ITFG1: variants seen among roughly 807,000 people sequenced by gnomAD.
The protein encoded by ITFG1 is integrin alpha FG-GAP repeat containing 1.
In ITFG1, 34 loss-of-function variants were observed where a neutral mutation model predicts 81.8. The ratio of observed to expected loss-of-function variants is 0.42; its 90% CI spans 0.32 to 0.55. The LOEUF (loss-of-function observed/expected upper bound fraction) is 0.55, where lower values mean the gene tolerates loss of function less well. Among genes scored for constraint, ITFG1 ranks in the 20% least tolerant of loss-of-function variants. ITFG1 has a pLI of 0.17. For missense variants in ITFG1, 672 were observed against 755.4 expected, an observed-to-expected ratio of 0.89 and a Z score of 1.29; for synonymous variants, 285 against 270.6, an observed-to-expected ratio of 1.05 and a Z score of -0.52.
chr16:47,333,977 C>G (rs1024967980), intron 8 of ITFG1, among the ~76,000 whole-genome samples: 2 of 152,172 alleles, frequency 1.3e-5, no homozygotes, highest in Non-Finnish European at 2.9e-5. Flanking sequence ...ACAATATCAT[C>G]TGGCACACCA....
At chr16:47,374,343 A>G (rs1048354771) in intron 7 of ITFG1, among the ~76,000 whole-genome samples, 1 of 152,200 alleles carries the variant, frequency 6.6e-6, no homozygotes, top group East Asian at 1.9e-4. Context: ...TTTAAAGAAA[A>G]CAATAACAAA....
intron 6 of ITFG1, among the ~76,000 whole-genome samples, chr16:47,402,688 G>A (rs1220470154): frequency 6.6e-6 from 1 of 152,184 alleles, no homozygotes; most frequent in Non-Finnish European, 1.5e-5. Context: ...TTATAGACTC[G>A]ATTTGCTGGT....
intron 7 of ITFG1, among the ~76,000 whole-genome samples, chr16:47,374,459 A>C (rs1968298461): frequency 6.6e-6 from 1 of 152,156 alleles, no homozygotes; most frequent in South Asian, 2.1e-4. Flanking sequence ...CAGATACTTA[A>C]GGGTGTTTCA....
intron 8 of ITFG1, among the ~76,000 whole-genome samples, chr16:47,335,472 A>G (rs779608379): frequency 2.0e-5 from 3 of 152,234 alleles, no homozygotes; most frequent in Non-Finnish European, 4.4e-5. Context: ...AGAATTGCAA[A>G]TCATGTATCT....
chr16:47,219,805 T>C (rs778834527), intron 13 of ITFG1, among the ~76,000 whole-genome samples: 6 of 152,204 alleles, frequency 3.9e-5, no homozygotes, highest in Non-Finnish European at 7.4e-5. Flanking sequence ...ACTGATATTT[T>C]AAGATTTTTA....
chr16:47,447,721 G>A (rs1419380973), intron 5 of ITFG1, among the ~76,000 whole-genome samples: 3 of 152,094 alleles, frequency 2.0e-5, no homozygotes, highest in Admixed American at 1.3e-4. Context: ...AAATGAACAT[G>A]CCACTTGAAA....
At chr16:47,279,330 A>C (rs547784627) in intron 10 of ITFG1, among the ~76,000 whole-genome samples, 28 of 152,258 alleles carry the variant, frequency 1.8e-4, no homozygotes, top group Non-Finnish European at 3.8e-4. Flanking sequence ...ATGTTTAGTC[A>C]AGGTTTTTTT....
chr16:47,455,458 C>T (rs1395304639), intron 2 of ITFG1, among the ~76,000 whole-genome samples: 3 of 151,412 alleles, frequency 2.0e-5, no homozygotes, highest in Admixed American at 1.3e-4. Flanking sequence ...AGAAAAACCT[C>T]GGAAATTAAA....
intron 13 of ITFG1, among the ~76,000 whole-genome samples, chr16:47,222,462 G>A (rs550145803): frequency 5.7e-4 from 84 of 147,422 alleles, no homozygotes; most frequent in Middle Eastern, 3.5e-3. Context: ...CGCCCAGGCC[G>A]GAGTGCAGTG....
intron 6 of ITFG1, among the ~76,000 whole-genome samples, chr16:47,421,668 GATTA>G (rs926878241): frequency 4.6e-5 from 7 of 152,256 alleles, no homozygotes; most frequent in Non-Finnish European, 8.8e-5. Context: ...TTTGATAGGT[GATTA>G]ATTATTCCTT....
At chr16:47,446,065 A>AG (rs1314938000) in intron 5 of ITFG1, among the ~76,000 whole-genome samples, 1 of 152,224 alleles carries the variant, frequency 6.6e-6, no homozygotes, top group Non-Finnish European at 1.5e-5. Context: ...AAAGAAAAAA[A>AG]AAAGAGGCAA....
At chr16:47,438,410 G>C (rs187478200) in intron 5 of ITFG1, among the ~76,000 whole-genome samples, 43 of 152,316 alleles carry the variant, frequency 2.8e-4, no homozygotes, top group African/African-American at 9.6e-4. Context: ...CCTGACTCCT[G>C]AGTAGCCTAA....
In ITFG1 at chr16:47,154,632, C is replaced by T. The variant is rs571979208; in HGVS notation, c.*1087G>A. 1 of 151,822 alleles carries T rather than the reference C, an allele frequency of 6.6e-6. No homozygotes were observed. Among genetic ancestry groups the T allele is most frequent in the Admixed American group, 6.6e-5 (1 of 15,238 alleles). 9.4% of individuals were successfully genotyped at this position (151,822 alleles called of 1,614,324 possible). ...TAACTTTTTGGAAATGTGAAGTTCA[C>T]AATACAAAATTTGCATTGAAGTCTG... On this transcript the variant is annotated 3_prime_UTR_variant, in exon 18 of 18. Coordinates refer to ENST00000320640, the MANE Select transcript of ITFG1 (RefSeq NM_030790.5).
At chr16:47,441,777 G>C (rs889269558) in intron 5 of ITFG1, among the ~76,000 whole-genome samples, 1 of 152,058 alleles carries the variant, frequency 6.6e-6, no homozygotes, top group African/African-American at 2.4e-5. Flanking sequence ...CACAAGACAG[G>C]GATGCCCTCT....
chr16:47,163,914 TACACACACACACACAC>T (rs56117889), intron 14 of ITFG1, among the ~76,000 whole-genome samples: 1 of 139,322 alleles, frequency 7.2e-6, no homozygotes, highest in African/African-American at 2.6e-5. Flanking sequence ...GAAGCTCAAC[TACACACACACACACAC>T]ACACACACAC....
At chr16:47,398,567 G>A (rs1968620973) in intron 6 of ITFG1, among the ~76,000 whole-genome samples, 1 of 152,152 alleles carries the variant, frequency 6.6e-6, no homozygotes, top group Admixed American at 6.5e-5. Flanking sequence ...AAGGCAATCT[G>A]TTTCTAAAAA....
At chr16:47,260,789 C>T (rs1054026119) in intron 10 of ITFG1, 94 bp from the exon 11 acceptor site, 17 of 1,274,892 alleles carry the variant, frequency 1.3e-5, no homozygotes, top group South Asian at 5.4e-5. Context: ...AGACGGTAAA[C>T]GGTACACAGT....
chr16:47,280,856 A>G (rs1049671699), intron 10 of ITFG1, among the ~76,000 whole-genome samples: 2 of 152,098 alleles, frequency 1.3e-5, no homozygotes, highest in African/African-American at 4.8e-5. Flanking sequence ...AAAAACCTCT[A>G]AACGACAGGA....
chr16:47,263,154 T>C (rs1244394222), intron 10 of ITFG1: 2 of 294,554 alleles, frequency 6.8e-6, no homozygotes, highest in Admixed American at 3.7e-5. Context: ...TACAAAGGCA[T>C]GGGGCTGTCC....
Sources: allele counts gnomAD v4.1 joint callset (sites outside exome capture counted in the v4.1 genomes callset), GRCh38; gene constraint gnomAD v4.1.1; transcripts MANE v1.5; gene names NCBI Gene and HGNC (gene_info 2026-07-23, HGNC 2026-07-21).